PVT1: variants seen among roughly 807,000 people sequenced by gnomAD.
The protein encoded by PVT1 is CXCR4/PVT1 fusion.
At chr8:128,036,176 A>G (rs1035310223) in intron 4 of PVT1, among the ~76,000 whole-genome samples, 1 of 152,118 alleles carries the variant, frequency 6.6e-6, no homozygotes, top group Non-Finnish European at 1.5e-5. Context: ...ACCTTTTGTT[A>G]GTTAAGGGGC....
chr8:128,064,195 A>G (rs989418578), intron 4 of PVT1, among the ~76,000 whole-genome samples: 15 of 152,182 alleles, frequency 9.9e-5, no homozygotes, highest in Admixed American at 2.0e-4. Context: ...TGCTAGAAAT[A>G]TTAACTCCTC....
intron 2 of PVT1, among the ~76,000 whole-genome samples, chr8:127,828,267 G>A (rs1814813592): frequency 6.6e-6 from 1 of 152,194 alleles, no homozygotes; most frequent in Non-Finnish European, 1.5e-5. Context: ...TGTTGTACAG[G>A]TGAGGGAAAC....
chr8:127,941,607 A>G (rs918736194), intron 3 of PVT1, among the ~76,000 whole-genome samples: 4 of 152,226 alleles, frequency 2.6e-5, no homozygotes, highest in Non-Finnish European at 5.9e-5. Flanking sequence ...TCATTACTCT[A>G]GTGGTAGAAA....
chr8:127,867,942 A>G (rs71520685), intron 2 of PVT1, among the ~76,000 whole-genome samples: 5,574 of 152,242 alleles, frequency 0.037, 129 homozygotes, highest in Middle Eastern at 0.14. Context: ...GGAAAACATA[A>G]CAAGAGGCAA....
intron 2 of PVT1, among the ~76,000 whole-genome samples, chr8:127,815,226 C>T (rs1052937955): frequency 2.0e-5 from 3 of 152,230 alleles, no homozygotes; most frequent in Non-Finnish European, 4.4e-5. Flanking sequence ...CTCGGCCTCC[C>T]TAAGTGCTGG....
chr8:127,858,287 A>G (rs1413575909), intron 2 of PVT1, among the ~76,000 whole-genome samples: 3 of 152,094 alleles, frequency 2.0e-5, no homozygotes. Flanking sequence ...GGTGCCTGTA[A>G]TCCCAGCTAC....
intron 2 of PVT1, among the ~76,000 whole-genome samples, chr8:127,860,764 CAAA>C (rs1224612475): frequency 1.7e-4 from 11 of 63,164 alleles, no homozygotes; most frequent in East Asian, 5.7e-4. Context: ...GACCCAATCT[CAAA>C]AAAAAAAAAA....
chr8:127,947,623 C>T (rs776687481), intron 3 of PVT1: 11 of 445,428 alleles, frequency 2.5e-5, no homozygotes, highest in Middle Eastern at 7.3e-4. Context: ...GAGTCTCACC[C>T]GGCCCTGTTT....
chr8:128,034,211 C>T (rs939660340), intron 4 of PVT1, among the ~76,000 whole-genome samples: 3 of 150,722 alleles, frequency 2.0e-5, no homozygotes, highest in Non-Finnish European at 3.0e-5. Context: ...CTCTTTCCTT[C>T]TCTACACTTA....
chr8:128,008,642 A>G (rs1005037505), intron 4 of PVT1, among the ~76,000 whole-genome samples: 1 of 152,238 alleles, frequency 6.6e-6, no homozygotes, highest in Admixed American at 6.5e-5. Flanking sequence ...TCTCTCTGAC[A>G]TGATGTCTCT....
chr8:127,974,955 T>G (rs912726504), intron 3 of PVT1, among the ~76,000 whole-genome samples: 12 of 152,210 alleles, frequency 7.9e-5, no homozygotes, highest in African/African-American at 2.9e-4. Flanking sequence ...CCTAAACATT[T>G]GATGTACCCT....
At chr8:127,952,175 C>T (rs926378260) in intron 3 of PVT1, among the ~76,000 whole-genome samples, 2 of 152,214 alleles carry the variant, frequency 1.3e-5, no homozygotes, top group African/African-American at 4.8e-5. Context: ...GAATTTCCTT[C>T]TGCAATGCCT....
chr8:127,997,156 G>A (rs1817116907), intron 4 of PVT1, among the ~76,000 whole-genome samples: 1 of 148,646 alleles, frequency 6.7e-6, no homozygotes, highest in Non-Finnish European at 1.5e-5. Flanking sequence ...CCGGGGTCAA[G>A]CGATTCTCCC....
At chr8:128,086,741 G>C (rs558483876) in intron 5 of PVT1, among the ~76,000 whole-genome samples, 6 of 152,162 alleles carry the variant, frequency 3.9e-5, no homozygotes, top group African/African-American at 1.4e-4. Flanking sequence ...CATCCTTCAA[G>C]ACCCAGCTCA....
At position 127,838,144 on chromosome 8, in the gene PVT1, A is replaced by G. The variant is rs113256838; in HGVS notation, n.372+42073A>G. 7.3e-3 allele frequency among the ~76,000 whole-genome samples: 1,101 copies of G among 151,828 alleles called. 20 individuals carry two copies. Among genetic ancestry groups the G allele is most frequent in the African/African-American group, 0.025 (1,035 of 41,442 alleles). ...ACTCCCAACCTCAGGTGATCCACCC[A>G]CCTCGGCCTCCCAAAGTGCTGGAAT... On this transcript the variant is annotated intron_variant and non_coding_transcript_variant, in intron 2 of 10. Transcript: ENST00000651587.
intron 3 of PVT1, among the ~76,000 whole-genome samples, chr8:127,918,970 G>C (rs1475425393): frequency 6.6e-6 from 1 of 152,090 alleles, no homozygotes; most frequent in Non-Finnish European, 1.5e-5. Flanking sequence ...CGGGGTCGTG[G>C]GGGCTTTCTT....
chr8:127,846,162 A>C (rs1422630820), intron 2 of PVT1, among the ~76,000 whole-genome samples: 1 of 152,204 alleles, frequency 6.6e-6, no homozygotes, highest in Non-Finnish European at 1.5e-5. Flanking sequence ...TACTGAACTA[A>C]GTGGTAATAA....
chr8:127,834,928 T>C (rs1814893310), intron 2 of PVT1, among the ~76,000 whole-genome samples: 1 of 152,150 alleles, frequency 6.6e-6, no homozygotes, highest in South Asian at 2.1e-4. Context: ...ATGGTGATCA[T>C]TAAAAAGTCA....
At chr8:128,033,123 A>C (rs1383013292) in intron 4 of PVT1, among the ~76,000 whole-genome samples, 1 of 152,198 alleles carries the variant, frequency 6.6e-6, no homozygotes, top group African/African-American at 2.4e-5. Flanking sequence ...TCCTTACTTA[A>C]AACTATTTGC....
Sources: gnomAD v4.1 joint callset for allele counts (sites outside exome capture counted in the v4.1 genomes callset) on GRCh38, gnomAD v4.1.1 for gene constraint, MANE v1.5 for transcripts, NCBI Gene and HGNC (gene_info 2026-07-23, HGNC 2026-07-21) for gene names.